PRSS56: variants seen among roughly 807,000 people sequenced by gnomAD.
PRSS56 encodes protease, serine 56.
In PRSS56, 55 loss-of-function variants were observed where a neutral mutation model predicts 66.8. That is an observed-to-expected ratio of 0.82 (90% CI 0.66 to 1.03). The LOEUF is 1.03. Ranked by LOEUF, PRSS56 falls within the 50% of genes least tolerant of loss-of-function variation. The pLI is 0.00. For missense variants in PRSS56, 869 were observed against 837.2 expected (o/e 1.04, Z -0.47); for synonymous variants, 409 against 387.9 (o/e 1.05, Z -0.64).
chr2:232,520,584 C>T lies in PRSS56; in HGVS notation c.-15C>T, dbSNP rs1276072285. On this transcript the variant is annotated 5_prime_UTR_variant, in exon 1 of 13. Coordinates refer to ENST00000617714, the MANE Select transcript of PRSS56 (RefSeq NM_001195129.2). ...GAGAGAGGACAGGGGTCTCTCACCC[C>T]AGCTCCTGGTCACCATGCTGCTGGC... The T allele has an allele frequency of 4.6e-6, 7 of 1,534,818 alleles. No homozygotes were observed. The highest frequency in any genetic ancestry group is 1.4e-5 in the African/African-American group (1 of 72,998).
At chr2:232,522,904 G>C in intron 6 of PRSS56, 43 bp downstream of exon 6, 1 of 1,449,858 alleles carries the variant, frequency 6.9e-7, no homozygotes, top group Non-Finnish European at 9.1e-7. Flanking sequence ...GAAGAACTGG[G>C]GGTCCGAGGT....
Position 232,520,664 on chromosome 2 carries a change from G to A in PRSS56, c.66G>A (p.Leu22=). The A allele has an allele frequency of 6.5e-7, 1 of 1,535,834 alleles. No homozygotes were observed. Among genetic ancestry groups the A allele is most frequent in the Non-Finnish European group, 8.7e-7 (1 of 1,146,700 alleles). ...CATGGTTTGCCCACGGGCACCCACT[G>A]TACACACGCCTGCCCCCCAGCGCCC... ...PSSWFAHGHP[L]YTRLPPSALQ... is the part of the protein sequence containing the mutation. The change falls in exon 1 of 13, where the codon CTG becomes CTA. Residue 22 remains leucine, a synonymous_variant. Coordinates refer to ENST00000617714, the MANE Select transcript of PRSS56 (RefSeq NM_001195129.2).
At chr2:232,523,969 G>T in intron 9 of PRSS56, 24 bp downstream of exon 9, 1 of 1,517,932 alleles carries the variant, frequency 6.6e-7, no homozygotes, top group East Asian at 2.5e-5. Context: ...ACCCGGACCC[G>T]GACGGGGGGC....
At position 232,521,886 on chromosome 2, in the gene PRSS56, A is replaced by AG. The variant is rs553581033; in HGVS notation, c.256+25dup. 1,828 of 1,534,834 alleles carry AG rather than the reference A, an allele frequency of 1.2e-3. 16 individuals are homozygous for AG. The African/African-American group carries it at 0.021, about 18-fold the overall frequency. On this transcript the variant is annotated intron_variant, in intron 3 of 12. Coordinates refer to ENST00000617714, the MANE Select transcript of PRSS56 (RefSeq NM_001195129.2). ...AGCCAGGTGAGGTTGAAAAGGCTCG[A>AG]GGGGGCAGGCCTGAGAGCCGGGTGG...
At position 232,524,730 on chromosome 2, in the gene PRSS56, T is replaced by C; in HGVS notation, c.1415-8T>C. ...TCATTATTCCCGGGGCCTCTCCTCT[T>C]CCTCCAGGCTGCCCTGGGCTGGAGC... On this transcript the variant is annotated splice_polypyrimidine_tract_variant and splice_region_variant and intron_variant, in intron 11 of 12. Transcript: ENST00000617714. 1 of 1,510,748 alleles carries C rather than the reference T, an allele frequency of 6.6e-7. No individual in the cohort carries two copies. Among genetic ancestry groups the C allele is most frequent in the Non-Finnish European group, 8.9e-7 (1 of 1,128,420 alleles). The allele number at this position is 1,510,748 out of a possible 1,614,324, so 93.6% of individuals were successfully genotyped here. A position where few individuals can be genotyped will look rare whatever the true frequency, so the allele number is the denominator to read the frequency against.
Position 232,520,529 on chromosome 2 carries a change from A to G in PRSS56, c.-70A>G, listed in dbSNP as rs974354192. 2 of 1,296,540 alleles carry G rather than the reference A, an allele frequency of 1.5e-6. No homozygotes were observed. The highest frequency in any genetic ancestry group is 1.5e-5 in the African/African-American group (1 of 68,138). 80.3% of individuals were successfully genotyped at this position (1,296,540 alleles called of 1,614,324 possible). A position where few individuals can be genotyped will look rare whatever the true frequency, so the allele number is the denominator to read the frequency against. ...GGCAGCAGAAGGCGGGCACCAAAGG[A>G]TAGGCACCCGGAAGGTGGACTCCGA... On this transcript the variant is annotated 5_prime_UTR_variant, in exon 1 of 13. Transcript: ENST00000617714.
rs780295960 is a variant in PRSS56, at chr2:232,521,447, G to A, written c.205+19G>A. 5.8e-5 allele frequency: 88 copies of A among 1,523,068 alleles called. No individual in the cohort carries two copies. Among genetic ancestry groups the A allele is most frequent in the Admixed American group, 3.9e-5 (2 of 50,954 alleles). The allele number at this position is 1,523,068 out of a possible 1,614,324, so 94.3% of individuals were successfully genotyped here. ...TGCCGAGGTGCCCACCCTGCCCCCCGTGCCCCAGTGAGCTTGCTGCCTACC... is the reference window on the plus strand; with the variant it reads ...TGCCGAGGTGCCCACCCTGCCCCCCATGCCCCAGTGAGCTTGCTGCCTACC... On this transcript the variant is annotated intron_variant, in intron 2 of 12. Coordinates refer to ENST00000617714, the MANE Select transcript of PRSS56 (RefSeq NM_001195129.2).
chr2:232,522,679 C>T lies in PRSS56; in HGVS notation c.547-23C>T, dbSNP rs190443109. On this transcript the variant is annotated intron_variant, in intron 5 of 12. Transcript: ENST00000617714. ...CACCCCCACCCGTGCTTCCTTGACC[C>T]TGCGCCGCCTCCCCCTCCTCAGTTT... is the stretch of plus-strand genomic sequence containing the variant. 4,059 of 1,533,664 alleles carry T rather than the reference C, an allele frequency of 2.6e-3. 98 individuals are homozygous for T. In the African/African-American group the frequency reaches 0.049, roughly 18 times the overall value.
chr2:232,523,051 T>C lies in PRSS56; in HGVS notation c.707-9T>C. 6.5e-7 allele frequency: 1 copy of C among 1,533,840 alleles called. No homozygotes were observed. Among genetic ancestry groups the C allele is most frequent in the African/African-American group, 1.4e-5 (1 of 73,050 alleles). On this transcript the variant is annotated splice_polypyrimidine_tract_variant and intron_variant, in intron 6 of 12. Coordinates refer to ENST00000617714, the MANE Select transcript of PRSS56 (RefSeq NM_001195129.2). ...CTCCAAACCTGAGCCTTCCACCCCT[T>C]CCCTGCAGACGGGCCTGAGGCTGAA...
rs1691415761 is a variant in PRSS56, at chr2:232,525,607, GGT to G, written c.*109_*110del. On this transcript the variant is annotated 3_prime_UTR_variant, in exon 13 of 13. Transcript: ENST00000617714. ...CAAACTGTCGCTGCCCCAGTGGCTGGGTGTGTGTGGGTGGGATGGGGTGGGGG... is the reference window on the plus strand; with the variant it reads ...CAAACTGTCGCTGCCCCAGTGGCTGGGTGTGTGGGTGGGATGGGGTGGGGG... 4 of 897,122 alleles carry G rather than the reference GGT, an allele frequency of 4.5e-6. No homozygotes were observed. In the South Asian group the frequency reaches 6.1e-5, roughly 14 times the overall value. The allele number at this position is 897,122 out of a possible 1,614,324, so 55.6% of individuals were successfully genotyped here. A position where few individuals can be genotyped will look rare whatever the true frequency, so the allele number is the denominator to read the frequency against.
Position 232,522,522 on chromosome 2 carries a change from A to C in PRSS56, c.454A>C (p.Asn152His). 2 of 1,530,706 alleles carry C rather than the reference A, an allele frequency of 1.3e-6. No homozygotes were observed. The highest frequency in any genetic ancestry group is 1.7e-6 in the Non-Finnish European group (2 of 1,144,374). The allele number at this position is 1,530,706 out of a possible 1,614,324, so 94.8% of individuals were successfully genotyped here. Residue 152 changes from asparagine to histidine, a missense_variant, in exon 5 of 13, where the codon AAT becomes CAT. Asn to His is a moderately conservative substitution (Grantham distance 68). This residue lies in a region of PRSS56 where 315 missense variants were observed against 313.7 expected (regional missense o/e 1.00). Transcript: ENST00000617714. ...TAAHCFVGAP[N>H]ELLWTVTLAE... ...CTGCCGCTCGACCCGCAGCGCCCCG[A>C]ATGAGCTTCTGTGGACTGTGACGCT...
rs1386770785 is a variant in PRSS56, at chr2:232,524,848, G to A, written c.1521+4G>A. ...CCTGGCCATGAACTTTCATGAGGTA[G>A]GTCCCCAGGCTTCCAGACTCCTTCA... is the stretch of plus-strand genomic sequence containing the variant. On this transcript the variant is annotated splice_donor_region_variant and intron_variant, in intron 12 of 12. Transcript: ENST00000617714. The A allele has an allele frequency of 2.0e-6, 3 of 1,531,754 alleles. No homozygotes were observed. The highest frequency in any genetic ancestry group is 2.6e-6 in the Non-Finnish European group (3 of 1,143,036). 94.9% of individuals were successfully genotyped at this position (1,531,754 alleles called of 1,614,324 possible). A position where few individuals can be genotyped will look rare whatever the true frequency, so the allele number is the denominator to read the frequency against.
At chr2:232,522,283 C>T in intron 4 of PRSS56, 123 bp downstream of exon 4, 1 of 994,866 alleles carries the variant, frequency 1.0e-6, no homozygotes, top group Non-Finnish European at 1.3e-6. Context: ...CGGCGGCCGG[C>T]CCCGGGCTTC....
rs1369185071 is a variant in PRSS56, at chr2:232,522,521, G to A, written c.453G>A (p.Pro151=). The change falls in exon 5 of 13, where the codon CCG becomes CCA. Residue 151 remains proline (P), a synonymous_variant. Coordinates refer to ENST00000617714, the MANE Select transcript of PRSS56 (RefSeq NM_001195129.2). ...LTAAHCFVGA[P]NELLWTVTLA... ...GCTGCCGCTCGACCCGCAGCGCCCC[G>A]AATGAGCTTCTGTGGACTGTGACGC... 2.0e-6 allele frequency: 3 copies of A among 1,530,668 alleles called. No homozygotes were observed. In the African/African-American group the frequency reaches 4.1e-5, roughly 21 times the overall value. The allele number at this position is 1,530,668 out of a possible 1,614,324, so 94.8% of individuals were successfully genotyped here.
chr2:232,524,126 C>T lies in PRSS56; in HGVS notation c.1274C>T (p.Ala425Val). The change falls in exon 10 of 13, where the codon GCC becomes GTC. Residue 425 changes from alanine (A) to valine (V), a missense_variant. Transcript: ENST00000617714. ...LGPRPGLRRL[A>V]PALALPAPAL... Reference sequence around the variant, plus strand: ...CCTCGTCCGGGACTGCGGCGCCTGGCCCCCGCCCTGGCTCTCCCCGCTCCA... The same window carrying T: ...CCTCGTCCGGGACTGCGGCGCCTGGTCCCCGCCCTGGCTCTCCCCGCTCCA... 1.3e-6 allele frequency: 2 copies of T among 1,511,438 alleles called. No individual in the cohort carries two copies. Among genetic ancestry groups the T allele is most frequent in the Non-Finnish European group, 1.8e-6 (2 of 1,136,714 alleles). 93.6% of individuals were successfully genotyped at this position (1,511,438 alleles called of 1,614,324 possible).
At position 232,520,435 on chromosome 2, in the gene PRSS56, G is replaced by A. The variant is rs186379424; in HGVS notation, c.-164G>A. On this transcript the variant is annotated 5_prime_UTR_variant, in exon 1 of 13. Transcript: ENST00000617714. ...AGGTGAGGGCTGACCAGGGAGGCGG[G>A]TAATTTTGATGTAAGAGAACGGGGT... 1.7e-5 allele frequency: 11 copies of A among 663,104 alleles called. No individual in the cohort carries two copies. In the East Asian group the frequency reaches 3.0e-4, roughly 18 times the overall value. 41.1% of individuals were successfully genotyped at this position (663,104 alleles called of 1,614,324 possible).
At chr2:232,522,300 T>G in intron 4 of PRSS56, 140 bp downstream of exon 4, 1 of 907,458 alleles carries the variant, frequency 1.1e-6, no homozygotes, top group Non-Finnish European at 1.5e-6. Context: ...CTTCCCCATC[T>G]CAAGGCGCCG....
chr2:232,523,376 G>C (rs1168523297), intron 7 of PRSS56, 40 bp from the exon 8 acceptor site: 2 of 1,428,704 alleles, frequency 1.4e-6, no homozygotes, highest in South Asian at 3.0e-5. Flanking sequence ...GGCGTCATAG[G>C]GGGCAGGTGA....
In PRSS56 at chr2:232,521,345, C is replaced by T. The variant is rs927913918; in HGVS notation, c.122C>T (p.Ala41Val). Residue 41 changes from alanine to valine, a missense_variant, in exon 2 of 13, where the codon GCG (alanine) becomes GTG (valine). Physicochemically the swap from Ala to Val is moderately conservative, Grantham distance 64 (BLOSUM62 0). This residue lies in a region of PRSS56 where 315 missense variants were observed against 313.7 expected (regional missense o/e 1.00). Transcript: ENST00000617714. ...LQVLSAQGTQ[A>V]LQAAQRSAQW... The stretch of plus-strand genomic sequence containing the variant: ...GTTCTGTCGGCCCAGGGGACTCAGG[C>T]GTTGCAGGCAGCCCAGAGGAGCGCC... 30 of 1,535,964 alleles carry T rather than the reference C, an allele frequency of 2.0e-5. No individual in the cohort carries two copies. The highest frequency in any genetic ancestry group is 1.7e-4 in the Middle Eastern group (1 of 6,010).
Sources: allele counts gnomAD v4.1 joint callset, GRCh38; gene constraint gnomAD v4.1.1; regional missense constraint gnomAD v4.1.1; transcripts MANE v1.5; gene names NCBI Gene and HGNC (gene_info 2026-07-23, HGNC 2026-07-21).